Variants in ATP2B4 observed in about 807,000 individuals in gnomAD.
The protein encoded by ATP2B4 is plasma membrane calcium-transporting ATPase 4.
ATP2B4 carries 39 observed loss-of-function variants against 110.3 expected under a neutral mutation model. The ratio of observed to expected loss-of-function variants is 0.35; its 90% CI spans 0.27 to 0.46. The LOEUF is 0.46. Among genes scored for constraint, ATP2B4 ranks in the 20% least tolerant of loss-of-function variants. The probability of loss-of-function intolerance (pLI) is 1.00; values close to 1 mark genes in which losing one functional copy is unlikely to be tolerated. For missense variants in ATP2B4, 1,135 were observed against 1,530.9 expected, an observed-to-expected ratio of 0.74 and a Z score of 4.32; for synonymous variants, 538 against 571.7, an observed-to-expected ratio of 0.94 and a Z score of 0.84.
chr1:203,725,907 T>TTC (rs1288908246), intron 19 of ATP2B4, among the ~76,000 whole-genome samples: 93 of 133,476 alleles, frequency 7.0e-4, no homozygotes, highest in African/African-American at 2.3e-3. Flanking sequence ...TTCTTTTCTT[T>TTC]TTTTTTTTTT....
chr1:203,696,821 G>T (rs1665547352), intron 2 of ATP2B4, among the ~76,000 whole-genome samples: 1 of 152,112 alleles, frequency 6.6e-6, no homozygotes, highest in Non-Finnish European at 1.5e-5. Flanking sequence ...TATGTGGTTT[G>T]TGTTTGGTGT....
At chr1:203,664,259 T>C (rs1664436487) in intron 1 of ATP2B4, among the ~76,000 whole-genome samples, 1 of 152,086 alleles carries the variant, frequency 6.6e-6, no homozygotes, top group African/African-American at 2.4e-5. Context: ...AATTAGAGAT[T>C]CTGGAGAAGT....
intron 1 of ATP2B4, among the ~76,000 whole-genome samples, chr1:203,661,295 C>CA (rs1216976414): frequency 6.6e-6 from 1 of 152,104 alleles, no homozygotes; most frequent in African/African-American, 2.4e-5. Context: ...TGGCTTCTGC[C>CA]AAAGTCGGGT....
rs1282349420 is a variant in ATP2B4 at position 203,727,891 on chromosome 1, ACCT to A, written c.3309+321_3309+323del. The A allele has an allele frequency of 1.1e-5, 4 of 377,104 alleles. No individual in the cohort carries two copies. The East Asian group carries it at 2.5e-4, about 23-fold the overall frequency. 23.4% of individuals were successfully genotyped at this position (377,104 alleles called of 1,614,324 possible). A position where few individuals can be genotyped will look rare whatever the true frequency, so the allele number is the denominator to read the frequency against. On this transcript the variant is annotated intron_variant, in intron 20 of 20. Transcript: ENST00000357681. ...GCATAAGGTCTCTTGCAAGCACTAG[ACCT>A]GACCCCAGGGTGGGAAATGCTCAGT...
In ATP2B4 at chr1:203,713,198, A is replaced by G; in HGVS notation, c.2245A>G (p.Lys749Glu). 2 of 1,614,168 alleles carry G rather than the reference A, an allele frequency of 1.2e-6. No homozygotes were observed. Among genetic ancestry groups the G allele is most frequent in the South Asian group, 1.1e-5 (1 of 91,082 alleles). The change falls in exon 14 of 21, where the codon AAG becomes GAG. Residue 749 changes from lysine to glutamate, a missense_variant. By Grantham distance (56) the Lys-to-Glu change is moderately conservative. Coordinates refer to ENST00000357681, the MANE Select transcript of ATP2B4 (RefSeq NM_001684.5). ...AGAAAAGCTGGACAAGATCTGGCCT[A>G]AGCTTCGGGTCCTGGCGCGATCTTC... is the stretch of plus-strand genomic sequence containing the variant. ...EQEKLDKIWPKLRVLARSSPT... is the reference protein window; with the variant it reads ...EQEKLDKIWPELRVLARSSPT...
intron 1 of ATP2B4, among the ~76,000 whole-genome samples, chr1:203,675,916 G>C (rs143818779): frequency 1.1e-4 from 16 of 152,250 alleles, no homozygotes; most frequent in South Asian, 4.1e-4. Flanking sequence ...AGGACTATAG[G>C]GGGGAGAGGG....
chr1:203,711,892 C>A, intron 12 of ATP2B4, 68 bp from the exon 13 acceptor site: 1 of 1,546,554 alleles, frequency 6.5e-7, no homozygotes, highest in South Asian at 1.2e-5. Flanking sequence ...AAGGGACAGA[C>A]AAACAGGGAC....
chr1:203,729,998 G>A (rs1443138413), intron 20 of ATP2B4, among the ~76,000 whole-genome samples: 1 of 152,104 alleles, frequency 6.6e-6, no homozygotes, highest in Non-Finnish European at 1.5e-5. Flanking sequence ...AGACGGCTTG[G>A]CCAGGATCAG....
At chr1:203,703,866 T>A in intron 8 of ATP2B4, 53 bp downstream of exon 8, 3 of 1,580,106 alleles carry the variant, frequency 1.9e-6, no homozygotes, top group Non-Finnish European at 2.6e-6. Context: ...TGGATCCTCA[T>A]CACTTTTATC....
Position 203,713,201 on chromosome 1 carries a change from C to G in ATP2B4, c.2248C>G (p.Leu750Val). The change falls in exon 14 of 21, where the codon CTT becomes GTT. Residue 750 changes from leucine (L) to valine (V), a missense_variant. By Grantham distance (32) the Leu-to-Val change is conservative. Transcript: ENST00000357681. The stretch of plus-strand genomic sequence containing the variant: ...AAAGCTGGACAAGATCTGGCCTAAG[C>G]TTCGGGTCCTGGCGCGATCTTCTCC... Reference protein sequence around the residue: ...QEKLDKIWPKLRVLARSSPTD... With the variant: ...QEKLDKIWPKVRVLARSSPTD... 1.2e-6 allele frequency: 2 copies of G among 1,614,146 alleles called. No homozygotes were observed. Among genetic ancestry groups the G allele is most frequent in the South Asian group, 2.2e-5 (2 of 91,088 alleles).
chr1:203,698,214 T>C lies in ATP2B4; in HGVS notation c.251T>C (p.Val84Ala). 6.2e-7 allele frequency: 1 copy of C among 1,614,202 alleles called. No individual in the cohort carries two copies. The highest frequency in any genetic ancestry group is 8.5e-7 in the Non-Finnish European group (1 of 1,180,028). Residue 84 changes from valine to alanine, a missense_variant, in exon 3 of 21, where the codon GTG becomes GCG. Val to Ala is a moderately conservative substitution (Grantham distance 64). Around this residue, in one of 9 missense-constraint regions of ATP2B4, gnomAD observed 122 missense variants for 125.2 expected, o/e 0.97. Coordinates refer to ENST00000357681, the MANE Select transcript of ATP2B4 (RefSeq NM_001684.5). ...EKRRQVFGHN[V>A]IPPKKPKTFL... ...CGTAGGCAGGTGTTTGGACACAACG[T>C]GATCCCCCCCAAAAAGCCCAAGACT...
chr1:203,653,985 AT>A (rs1218633538), intron 1 of ATP2B4, among the ~76,000 whole-genome samples: 33 of 112,432 alleles, frequency 2.9e-4, no homozygotes, highest in African/African-American at 1.3e-3. Flanking sequence ...ATATATATAT[AT>A]TTTTTTTTTT....
intron 1 of ATP2B4, among the ~76,000 whole-genome samples, chr1:203,634,758 G>A (rs1449635410): frequency 6.6e-6 from 1 of 152,024 alleles, no homozygotes. Flanking sequence ...TGATCTCCTG[G>A]GCTCAAGCTA....
intron 20 of ATP2B4, among the ~76,000 whole-genome samples, chr1:203,736,664 T>C (rs1666886523): frequency 6.6e-6 from 1 of 152,044 alleles, no homozygotes; most frequent in Non-Finnish European, 1.5e-5. Context: ...TTTTGAGAAA[T>C]GATGACCAGG....
chr1:203,693,708 A>C (rs1363716719), intron 2 of ATP2B4, among the ~76,000 whole-genome samples: 1 of 152,172 alleles, frequency 6.6e-6, no homozygotes, highest in East Asian at 1.9e-4. Flanking sequence ...AATCCACCCC[A>C]ATTGTAGACA....
At chr1:203,739,483 T>G (rs1666950998) in intron 20 of ATP2B4, 63 bp from the exon 21 acceptor site, 1 of 1,516,176 alleles carries the variant, frequency 6.6e-7, no homozygotes, top group African/African-American at 1.4e-5. Context: ...ACCATCTCCT[T>G]GTTCTGCCGG....
At chr1:203,653,479 A>T (rs979523153) in intron 1 of ATP2B4, among the ~76,000 whole-genome samples, 1 of 152,236 alleles carries the variant, frequency 6.6e-6, no homozygotes, top group East Asian at 1.9e-4. Context: ...TTGGAAAAAG[A>T]TGCCATCTAC....
rs1665938720 is a variant in ATP2B4, at chr1:203,709,364, G to A, written c.1621G>A (p.Gly541Ser). 1.2e-6 allele frequency: 2 copies of A among 1,614,212 alleles called. No homozygotes were observed. Among genetic ancestry groups the A allele is most frequent in the South Asian group, 1.1e-5 (1 of 91,088 alleles). Residue 541 changes from glycine (G) to serine (S), a missense_variant, in exon 11 of 21, where the codon GGC becomes AGC. Gly to Ser is a moderately conservative substitution (Grantham distance 56, BLOSUM62 0). Transcript: ENST00000357681. ...CAACAAGACCGAGTGTGCTCTGCTA[G>A]GCTTTGTCACAGATCTGAAGCAGGA... ...VGNKTECALLGFVTDLKQDYQ... is the reference protein window; with the variant it reads ...VGNKTECALLSFVTDLKQDYQ...
rs1664952064 is a variant in ATP2B4 at position 203,680,030 on chromosome 1, C to T, written c.-464-2712C>T. ...GAGCCAAGATCGCACGACTGCATTCCGGCCTGGGTGACAGAGTGAGACTCT... is the reference window on the plus strand; with the variant it reads ...GAGCCAAGATCGCACGACTGCATTCTGGCCTGGGTGACAGAGTGAGACTCT... On this transcript the variant is annotated intron_variant, in intron 1 of 20. Coordinates refer to ENST00000357681, the MANE Select transcript of ATP2B4 (RefSeq NM_001684.5). Among the ~76,000 whole-genome samples the T allele has an allele frequency of 2.1e-5, 3 of 143,178 alleles. No individual in the cohort carries two copies. In the South Asian group the frequency reaches 6.7e-4, roughly 32 times the overall value. The allele number at this position is 143,178 out of a possible 152,430, so 93.9% of individuals were successfully genotyped here. A position where few individuals can be genotyped will look rare whatever the true frequency, so the allele number is the denominator to read the frequency against.
Sources: allele counts gnomAD v4.1 joint callset (sites outside exome capture counted in the v4.1 genomes callset), GRCh38; gene constraint gnomAD v4.1.1; regional missense constraint gnomAD v4.1.1; transcripts MANE v1.5; gene names NCBI Gene and HGNC (gene_info 2026-07-23, HGNC 2026-07-21).